The following OR52K1 variants were observed in gnomAD, a reference collection of about 807,000 sequenced individuals.
OR52K1 encodes olfactory receptor family 52 subfamily K member 1, also known as olfactory receptor 52K1.
Under a neutral mutation model 8.7 loss-of-function variants are expected in OR52K1, and 10 were observed. That is an observed-to-expected ratio of 1.15 (90% CI 0.71 to 1.95). The LOEUF (loss-of-function observed/expected upper bound fraction) is 1.95, where lower values mean the gene tolerates loss of function less well. OR52K1 is among the 30% of genes most tolerant of loss of function. The pLI, the probability that OR52K1 is intolerant of heterozygous loss-of-function variation, is 0.00. For missense variants in OR52K1, 431 were observed against 397.2 expected (o/e 1.08, Z -0.72); for synonymous variants, 203 against 148.5 (o/e 1.37, Z -2.67).
Position 4,491,231 on chromosome 11 carries a change from A to T in OR52K1, c.*1386A>T, listed in dbSNP as rs1448753151. On this transcript the variant is annotated 3_prime_UTR_variant, in exon 2 of 2. Transcript: ENST00000641528. The stretch of plus-strand genomic sequence containing the variant: ...TGTATGACTTGATTTGGCCAATGAA[A>T]TTTGAGTAGCCCTGAAATGTACTTC... 1 of 152,184 alleles carries T rather than the reference A, an allele frequency of 6.6e-6. No homozygotes were observed. The highest frequency in any genetic ancestry group is 2.4e-5 in the African/African-American group (1 of 41,434). 9.4% of individuals were successfully genotyped at this position (152,184 alleles called of 1,614,324 possible).
In OR52K1 at chr11:4,492,524, G is replaced by A. The variant is rs1424728939; in HGVS notation, c.*2679G>A. On this transcript the variant is annotated 3_prime_UTR_variant, in exon 2 of 2. Transcript: ENST00000641528. Reference sequence around the variant, plus strand: ...TTGTTTGTTTCACAGCCTTACCCAAGGAGCACCAATTGCTGGAGTTGTGAG... The same window carrying A: ...TTGTTTGTTTCACAGCCTTACCCAAAGAGCACCAATTGCTGGAGTTGTGAG... The A allele has an allele frequency of 6.6e-6, 1 of 152,148 alleles. No individual in the cohort carries two copies. Among genetic ancestry groups the A allele is most frequent in the Admixed American group, 6.5e-5 (1 of 15,276 alleles). 9.4% of individuals were successfully genotyped at this position (152,148 alleles called of 1,614,324 possible). A position where few individuals can be genotyped will look rare whatever the true frequency, so the allele number is the denominator to read the frequency against.
Position 4,489,854 on chromosome 11 carries a change from TTC to T in OR52K1, c.*13_*14del. On this transcript the variant is annotated 3_prime_UTR_variant, in exon 2 of 2. Transcript: ENST00000641528. The stretch of plus-strand genomic sequence containing the variant: ...AGAGAAAGAACATGTAGATGGATAG[TTC>T]TCTTTTTTTATCCCACTTGCCAAGT... The T allele has an allele frequency of 1.3e-6, 2 of 1,547,784 alleles. No individual in the cohort carries two copies. Among genetic ancestry groups the T allele is most frequent in the Non-Finnish European group, 1.8e-6 (2 of 1,140,506 alleles).
In OR52K1 at chr11:4,486,973, A is replaced by T. The variant is rs1012758643; in HGVS notation, c.-328-1600A>T. Among the ~76,000 whole-genome samples the T allele has an allele frequency of 7.2e-5, 11 of 152,310 alleles. No individual in the cohort carries two copies. The South Asian group carries it at 2.3e-3, about 32-fold the overall frequency. On this transcript the variant is annotated intron_variant, in intron 1 of 1. Transcript: ENST00000641528. ...GAGAAAAGTGAGTTTTAAGCAGGAGAGTGGTCAATTCAGATAAAAGTTGCT... is the reference window on the plus strand; with the variant it reads ...GAGAAAAGTGAGTTTTAAGCAGGAGTGTGGTCAATTCAGATAAAAGTTGCT...
chr11:4,484,712 G>C (rs1465608813), intron 1 of OR52K1, among the ~76,000 whole-genome samples: 1 of 151,800 alleles, frequency 6.6e-6, no homozygotes, highest in Non-Finnish European at 1.5e-5. Context: ...CTAGAAAGAT[G>C]CAATATTCAC....
intron 1 of OR52K1, among the ~76,000 whole-genome samples, chr11:4,485,466 C>G (rs1846314260): frequency 6.6e-6 from 1 of 152,196 alleles, no homozygotes; most frequent in Admixed American, 6.5e-5. Context: ...CTTTCCCCGT[C>G]TCAGTTGGGA....
intron 1 of OR52K1, among the ~76,000 whole-genome samples, chr11:4,484,737 C>G (rs775028917): frequency 6.6e-6 from 1 of 151,470 alleles, no homozygotes; most frequent in Admixed American, 6.6e-5. Flanking sequence ...TTTTCAGGAG[C>G]AGTATTCTCT....
intron 1 of OR52K1, among the ~76,000 whole-genome samples, chr11:4,484,833 G>GACACACACACACACAC (rs57428088): frequency 6.2e-5 from 7 of 113,606 alleles, no homozygotes; most frequent in Admixed American, 1.7e-4. Flanking sequence ...AAAACACACA[G>GACACACACACACACAC]ACACACACAC....
Position 4,492,661 on chromosome 11 carries a change from A to C in OR52K1, c.*2816A>C, listed in dbSNP as rs890892506. On this transcript the variant is annotated 3_prime_UTR_variant, in exon 2 of 2. Transcript: ENST00000641528. Reference sequence around the variant, plus strand: ...TCACTTATCTCTGCTTTTGTCTTTCAAACTCTCATAATGAACACTTCTTCA... The same window carrying C: ...TCACTTATCTCTGCTTTTGTCTTTCCAACTCTCATAATGAACACTTCTTCA... 4.6e-5 allele frequency: 7 copies of C among 152,204 alleles called. No homozygotes were observed. The highest frequency in any genetic ancestry group is 1.7e-4 in the African/African-American group (7 of 41,438). 9.4% of individuals were successfully genotyped at this position (152,204 alleles called of 1,614,324 possible).
At chr11:4,486,448 G>A (rs1174706160) in intron 1 of OR52K1, among the ~76,000 whole-genome samples, 1 of 152,152 alleles carries the variant, frequency 6.6e-6, no homozygotes, top group Non-Finnish European at 1.5e-5. Flanking sequence ...TAATTGTTCT[G>A]TATATACCAC....
At chr11:4,486,678 A>C (rs375272513) in intron 1 of OR52K1, among the ~76,000 whole-genome samples, 4 of 152,196 alleles carry the variant, frequency 2.6e-5, no homozygotes, top group African/African-American at 9.6e-5. Context: ...TTTAATCATG[A>C]TGTCCTTTTA....
In OR52K1 at chr11:4,492,399, C is replaced by G. The variant is rs548143360; in HGVS notation, c.*2554C>G. The G allele has an allele frequency of 6.6e-6, 1 of 152,340 alleles. No homozygotes were observed. Among genetic ancestry groups the G allele is most frequent in the African/African-American group, 2.4e-5 (1 of 41,584 alleles). 9.4% of individuals were successfully genotyped at this position (152,340 alleles called of 1,614,324 possible). A position where few individuals can be genotyped will look rare whatever the true frequency, so the allele number is the denominator to read the frequency against. Reference sequence around the variant, plus strand: ...ATCCATGGAGCAGATGTGAATCTGACTCACTGCCTGTAGCATAGTCATAAC... The same window carrying G: ...ATCCATGGAGCAGATGTGAATCTGAGTCACTGCCTGTAGCATAGTCATAAC... On this transcript the variant is annotated 3_prime_UTR_variant, in exon 2 of 2. Transcript: ENST00000641528.
Position 4,489,639 on chromosome 11 carries a change from A to AT in OR52K1, c.740dup (p.Gly248ArgfsTer56). The AT allele has an allele frequency of 6.2e-7, 1 of 1,614,222 alleles. No individual in the cohort carries two copies. The highest frequency in any genetic ancestry group is 8.5e-7 in the Non-Finnish European group (1 of 1,180,040). Reference sequence around the variant, plus strand: ...GGCATTTGGGACATGTGTGTCTCACATAGGTGCCATCCTGTCCACCTACAC... The same window carrying AT: ...GGCATTTGGGACATGTGTGTCTCACATTAGGTGCCATCCTGTCCACCTACAC... On this transcript the variant is annotated frameshift_variant, in exon 2 of 2. Coordinates refer to ENST00000641528, the MANE Select transcript of OR52K1 (RefSeq NM_001005171.3). LOFTEE classifies it high-confidence loss of function.
Position 4,489,008 on chromosome 11 carries a change from T to C in OR52K1, c.108T>C (p.Ala36=). 1 of 1,614,228 alleles carries C rather than the reference T, an allele frequency of 6.2e-7. No individual in the cohort carries two copies. The highest frequency in any genetic ancestry group is 8.5e-7 in the Non-Finnish European group (1 of 1,180,034). ...HAWISIPFCF[A]YTLALLGNCT... ...GGATCTCCATCCCCTTCTGCTTTGC[T>C]TATACTCTGGCCCTGCTAGGCAACT... Residue 36 remains alanine, a synonymous_variant, in exon 2 of 2, where the codon GCT becomes GCC. Coordinates refer to ENST00000641528, the MANE Select transcript of OR52K1 (RefSeq NM_001005171.3).
In OR52K1 at chr11:4,482,976, A is replaced by AT; in HGVS notation, c.-528dup. On this transcript the variant is annotated 5_prime_UTR_variant, in exon 1 of 2. An upstream start codon of the reference 5' UTR is lost. Coordinates refer to ENST00000641528, the MANE Select transcript of OR52K1 (RefSeq NM_001005171.3). ...CCAGATGCTCTCCCCACCACAGAGG[A>AT]TGCCTGCTTCCGTCCTATGCCAAAC... 5.1e-6 allele frequency: 2 copies of AT among 394,480 alleles called. No individual in the cohort carries two copies. Among genetic ancestry groups the AT allele is most frequent in the Non-Finnish European group, 8.9e-6 (2 of 223,854 alleles). 24.4% of individuals were successfully genotyped at this position (394,480 alleles called of 1,614,324 possible).
chr11:4,488,704 G>A lies in OR52K1; in HGVS notation c.-197G>A, dbSNP rs996033236. On this transcript the variant is annotated 5_prime_UTR_variant, in exon 2 of 2. Transcript: ENST00000641528. ...TCAATGAGATTCAAATTTCTTTGAG[G>A]GTAGAAAATATGGATTATACTTCTC... The A allele has an allele frequency of 5.3e-6, 3 of 561,480 alleles. No individual in the cohort carries two copies. The highest frequency in any genetic ancestry group is 9.4e-6 in the Non-Finnish European group (3 of 318,470). The allele number at this position is 561,480 out of a possible 1,614,324, so 34.8% of individuals were successfully genotyped here.
rs1446976446 is a variant in OR52K1 at position 4,490,147 on chromosome 11, G to C, written c.*302G>C. The C allele has an allele frequency of 7.0e-6, 2 of 286,980 alleles. No individual in the cohort carries two copies. The highest frequency in any genetic ancestry group is 4.8e-5 in the Admixed American group (1 of 21,040). The allele number at this position is 286,980 out of a possible 1,614,324, so 17.8% of individuals were successfully genotyped here. On this transcript the variant is annotated 3_prime_UTR_variant, in exon 2 of 2. Coordinates refer to ENST00000641528, the MANE Select transcript of OR52K1 (RefSeq NM_001005171.3). ...GGTGAAAGACAGTAGGACCTTTATTGGCTGAGATTGGCCCAAACAGCTGAG... is the reference window on the plus strand; with the variant it reads ...GGTGAAAGACAGTAGGACCTTTATTCGCTGAGATTGGCCCAAACAGCTGAG...
In OR52K1 at chr11:4,491,616, G is replaced by C. The variant is rs962825153; in HGVS notation, c.*1771G>C. ...ACTATGCAGCCGTCAAAAAGAATAA[G>C]ATCATGTCCTTTGCAGGAACATGGA... On this transcript the variant is annotated 3_prime_UTR_variant, in exon 2 of 2. Coordinates refer to ENST00000641528, the MANE Select transcript of OR52K1 (RefSeq NM_001005171.3). 23 of 152,046 alleles carry C rather than the reference G, an allele frequency of 1.5e-4. No individual in the cohort carries two copies. The highest frequency in any genetic ancestry group is 1.2e-3 in the Admixed American group (19 of 15,284). 9.4% of individuals were successfully genotyped at this position (152,046 alleles called of 1,614,324 possible).
Position 4,482,994 on chromosome 11 carries a change from T to A in OR52K1, c.-511T>A. On this transcript the variant is annotated 5_prime_UTR_variant, in exon 1 of 2. The change abolishes an upstream ATG in the 5' untranslated region. Transcript: ENST00000641528. ...ACAGAGGATGCCTGCTTCCGTCCTA[T>A]GCCAAACACTGTGGGCCATCTCCAA... The A allele has an allele frequency of 2.5e-6, 1 of 395,520 alleles. No individual in the cohort carries two copies. Among genetic ancestry groups the A allele is most frequent in the Non-Finnish European group, 4.5e-6 (1 of 224,390 alleles). 24.5% of individuals were successfully genotyped at this position (395,520 alleles called of 1,614,324 possible).
chr11:4,488,963 T>A lies in OR52K1; in HGVS notation c.63T>A (p.Gly21=). 6.2e-7 allele frequency: 1 copy of A among 1,614,164 alleles called. No individual in the cohort carries two copies. Among genetic ancestry groups the A allele is most frequent in the Non-Finnish European group, 8.5e-7 (1 of 1,180,012 alleles). Reference sequence around the variant, plus strand: ...TCTTTTTGTTGGTAGGAATTCCTGGTTTGGAACACCTGCATGCCTGGATCT... The same window carrying A: ...TCTTTTTGTTGGTAGGAATTCCTGGATTGGAACACCTGCATGCCTGGATCT... ...PAVFLLVGIP[G]LEHLHAWISI... Residue 21 remains glycine, a synonymous_variant, in exon 2 of 2, where the codon GGT becomes GGA. Coordinates refer to ENST00000641528, the MANE Select transcript of OR52K1 (RefSeq NM_001005171.3).
Sources: gnomAD v4.1 joint callset for allele counts (sites outside exome capture counted in the v4.1 genomes callset) on GRCh38, gnomAD v4.1.1 for gene constraint, MANE v1.5 for transcripts, NCBI Gene and HGNC (gene_info 2026-07-23, HGNC 2026-07-21) for gene names.